The following LPCAT4 variants were observed in gnomAD, a reference collection of about 807,000 sequenced individuals.
The protein encoded by LPCAT4 is lysophospholipid acyltransferase LPCAT4.
Under a neutral mutation model 66.5 loss-of-function variants are expected in LPCAT4, and 30 were observed. That is an observed-to-expected ratio of 0.45 (90% CI 0.34 to 0.61). The LOEUF is 0.61. LPCAT4 is among the 20% of genes least tolerant of loss of function. The pLI, the probability that LPCAT4 is intolerant of heterozygous loss-of-function variation, is 0.01. For synonymous variants in LPCAT4, 253 were observed against 262.1 expected, an observed-to-expected ratio of 0.97 and a Z score of 0.34; for missense variants, 557 against 656.7, an observed-to-expected ratio of 0.85 and a Z score of 1.66.
Position 34,363,270 on chromosome 15 carries a change from G to T in LPCAT4, c.746+152C>A. The T allele has an allele frequency of 1.2e-6, 1 of 801,304 alleles. No homozygotes were observed. The highest frequency in any genetic ancestry group is 2.1e-6 in the Non-Finnish European group (1 of 482,722). 49.6% of individuals were successfully genotyped at this position (801,304 alleles called of 1,614,324 possible). ...TCTAAGCACAGCCAGATTATATGGG[G>T]ACATCAGGGGGAAAGTGGTGTCTCC... is the stretch of plus-strand genomic sequence containing the variant. On this transcript the variant is annotated intron_variant, in intron 7 of 13. Coordinates refer to ENST00000314891, the MANE Select transcript of LPCAT4 (RefSeq NM_153613.3). This position sits in a 1 kb window ranked among gnomAD's most constrained non-coding sequence, Gnocchi z 4.3.
intron 7 of LPCAT4, 144 bp from the exon 8 acceptor site, chr15:34,362,980 A>C: frequency 2.6e-6 from 2 of 774,532 alleles, no homozygotes; most frequent in Middle Eastern, 3.6e-4. Context: ...TCCTAGCCAT[A>C]CAGTCAGGTG....
chr15:34,365,883 A>G (rs147654714), intron 1 of LPCAT4, 182 bp from the exon 2 acceptor site: 134 of 640,882 alleles, frequency 2.1e-4, no homozygotes, highest in African/African-American at 2.0e-3. Flanking sequence ...TGAGGGCAAG[A>G]GGATAAAAGA....
intron 7 of LPCAT4, 23 bp from the exon 8 acceptor site, chr15:34,362,859 A>G: frequency 6.2e-7 from 1 of 1,611,924 alleles, no homozygotes; most frequent in Non-Finnish European, 8.5e-7. Flanking sequence ...AGATTTCGAT[A>G]CTCACCAATC....
At position 34,361,528 on chromosome 15, in the gene LPCAT4, A is replaced by G; in HGVS notation, c.1015T>C (p.Ser339Pro). 6.2e-7 allele frequency: 1 copy of G among 1,613,574 alleles called. No individual in the cohort carries two copies. The highest frequency in any genetic ancestry group is 8.5e-7 in the Non-Finnish European group (1 of 1,180,024). Residue 339 changes from serine (S) to proline (P), a missense_variant, in exon 11 of 14, where the codon TCC (serine) becomes CCC (proline). Ser to Pro is a moderately conservative substitution (Grantham distance 74, BLOSUM62 -1). This residue lies in a region of LPCAT4 where 392 missense variants were observed against 473.9 expected (regional missense o/e 0.83). Coordinates refer to ENST00000314891, the MANE Select transcript of LPCAT4 (RefSeq NM_153613.3). ...GCCCCAGCGTCCACATAGCCAGCGG[A>G]CAGCCTACGATGGAATTGTTGAAGG... Reference protein sequence around the residue: ...LGKVLRKAGLSAGYVDAGAEP... With the variant: ...LGKVLRKAGLPAGYVDAGAEP...
chr15:34,361,858 C>A (rs1890952809), intron 10 of LPCAT4, among the ~76,000 whole-genome samples: 1 of 152,182 alleles, frequency 6.6e-6, no homozygotes, highest in Admixed American at 6.5e-5. Flanking sequence ...TGCCACCAAA[C>A]CCGGCAAATT....
intron 10 of LPCAT4, among the ~76,000 whole-genome samples, chr15:34,361,758 G>A (rs1482271943): frequency 2.6e-5 from 4 of 151,918 alleles, no homozygotes; most frequent in African/African-American, 9.7e-5. Flanking sequence ...GGAGTGCAGT[G>A]GCACGACCTT....
rs758618317 is a variant in LPCAT4 at position 34,366,951 on chromosome 15, C to G, written c.114+36G>C. 1.5e-5 allele frequency: 23 copies of G among 1,539,146 alleles called. No individual in the cohort carries two copies. In the African/African-American group the frequency reaches 2.8e-4, roughly 18 times the overall value. On this transcript the variant is annotated intron_variant, in intron 1 of 13. Coordinates refer to ENST00000314891, the MANE Select transcript of LPCAT4 (RefSeq NM_153613.3). ...TCAAATGGCCCCATTTTCCTATCCT[C>G]ACGGGTCCTTCCGACGCCCGCTCCC...
In LPCAT4 at chr15:34,364,999, C is replaced by G. The variant is rs1421134549; in HGVS notation, c.478+9G>C. On this transcript the variant is annotated intron_variant, in intron 3 of 13. Transcript: ENST00000314891. ...CACCCTGCCCTTCACCCCCTTTGAACTCTCTCACCTCCAATGACAGGAACG... is the reference window on the plus strand; with the variant it reads ...CACCCTGCCCTTCACCCCCTTTGAAGTCTCTCACCTCCAATGACAGGAACG... 6.2e-7 allele frequency: 1 copy of G among 1,600,334 alleles called. No individual in the cohort carries two copies. The highest frequency in any genetic ancestry group is 1.3e-5 in the African/African-American group (1 of 74,660).
At chr15:34,365,747 C>A in intron 1 of LPCAT4, 46 bp from the exon 2 acceptor site, 3 of 1,599,374 alleles carry the variant, frequency 1.9e-6, no homozygotes, top group Non-Finnish European at 2.6e-6. Flanking sequence ...TGGATATGCT[C>A]CCTCCACAGC....
intron 9 of LPCAT4, 60 bp downstream of exon 9, chr15:34,362,513 G>A (rs374959364): frequency 4.7e-6 from 7 of 1,486,356 alleles, no homozygotes; most frequent in African/African-American, 2.8e-5. Flanking sequence ...CCCCCTCCAC[G>A]CCCCTGTGGT....
intron 10 of LPCAT4, 77 bp from the exon 11 acceptor site, chr15:34,361,609 G>T: frequency 6.4e-7 from 1 of 1,569,666 alleles, no homozygotes; most frequent in Non-Finnish European, 8.7e-7. Context: ...TTCAGCCCCA[G>T]TACCAAGAGT....
intron 13 of LPCAT4, 101 bp downstream of exon 13, chr15:34,359,488 C>T (rs1890889908): frequency 1.4e-6 from 2 of 1,451,720 alleles, no homozygotes; most frequent in East Asian, 2.3e-5. Flanking sequence ...TTCTGATCTC[C>T]AGCACTGGCC....
chr15:34,362,359 G>A, intron 9 of LPCAT4, 38 bp from the exon 10 acceptor site: 1 of 1,612,418 alleles, frequency 6.2e-7, no homozygotes, highest in Non-Finnish European at 8.5e-7. Context: ...GGGTAAGGAA[G>A]CAGAAGAAAC....
chr15:34,362,134 C>CTT, intron 10 of LPCAT4, 62 bp downstream of exon 10: 1 of 1,258,296 alleles, frequency 7.9e-7, no homozygotes, highest in Non-Finnish European at 1.1e-6. Flanking sequence ...TTCTCCCCTT[C>CTT]TTATTCTCTC....
intron 11 of LPCAT4, among the ~76,000 whole-genome samples, chr15:34,360,551 C>G (rs1837176797): frequency 6.6e-6 from 1 of 152,246 alleles, no homozygotes. Flanking sequence ...TTCTCTCTGA[C>G]TCAGCCTATG....
At chr15:34,360,262 G>C in intron 11 of LPCAT4, 53 bp from the exon 12 acceptor site, 1 of 1,430,150 alleles carries the variant, frequency 7.0e-7, no homozygotes, top group Admixed American at 1.7e-5. Flanking sequence ...CTCCCTTCCT[G>C]CTCTTTGGAT....
At position 34,365,704 on chromosome 15, in the gene LPCAT4, G is replaced by A; in HGVS notation, c.115-3C>T. 1 of 1,613,448 alleles carries A rather than the reference G, an allele frequency of 6.2e-7. No homozygotes were observed. Among genetic ancestry groups the A allele is most frequent in the Non-Finnish European group, 8.5e-7 (1 of 1,179,878 alleles). On this transcript the variant is annotated splice_region_variant and splice_polypyrimidine_tract_variant and intron_variant, in intron 1 of 13. Coordinates refer to ENST00000314891, the MANE Select transcript of LPCAT4 (RefSeq NM_153613.3). ...AGCAATGCCCCCAGGAGGCAGAACTGCAAAGGGTGGGAGAGAATGCCACTT... is the reference window on the plus strand; with the variant it reads ...AGCAATGCCCCCAGGAGGCAGAACTACAAAGGGTGGGAGAGAATGCCACTT...
chr15:34,364,677 C>T, intron 3 of LPCAT4: 1 of 280,566 alleles, frequency 3.6e-6, no homozygotes, highest in Non-Finnish European at 6.7e-6. Flanking sequence ...TGGTCTCGAA[C>T]TCCCGACCTC....
At chr15:34,364,767 C>G (rs1237645770) in intron 3 of LPCAT4, 1 of 493,056 alleles carries the variant, frequency 2.0e-6, no homozygotes, top group African/African-American at 1.9e-5. Flanking sequence ...TATCTTTGCC[C>G]TGGGACAATC....
Sources: gnomAD v4.1 joint callset for allele counts (sites outside exome capture counted in the v4.1 genomes callset) on GRCh38, gnomAD v4.1.1 for gene constraint, gnomAD v4.1.1 regional missense constraint, Gnocchi (gnomAD v3.1) non-coding constraint, MANE v1.5 for transcripts, NCBI Gene and HGNC (gene_info 2026-07-23, HGNC 2026-07-21) for gene names.